DNM3: variants seen among roughly 807,000 people sequenced by gnomAD.
DNM3 encodes dynamin-3.
Under a neutral mutation model 101.6 loss-of-function variants are expected in DNM3, and 47 were observed. The ratio of observed to expected loss-of-function variants is 0.46; its 90% CI spans 0.37 to 0.59. The LOEUF is 0.59. DNM3 is among the 20% of genes least tolerant of loss of function. The pLI is 0.00. For synonymous variants in DNM3, 385 were observed against 387.9 expected, an observed-to-expected ratio of 0.99 and a Z score of 0.09; for missense variants, 849 against 1,085.7, an observed-to-expected ratio of 0.78 and a Z score of 3.06.
At position 172,387,050 on chromosome 1, in the gene DNM3, ACT is replaced by A; in HGVS notation, c.2059-80_2059-79del. On this transcript the variant is annotated intron_variant, in intron 18 of 20. Coordinates refer to ENST00000627582, the MANE Select transcript of DNM3 (RefSeq NM_015569.5). ...GTGGACTTTGGTGGACTTTGTCCAG[ACT>A]CTGACTGCCACAGCCATGTTTCTAC... 3 of 1,195,496 alleles carry A rather than the reference ACT, an allele frequency of 2.5e-6. No homozygotes were observed. In the Admixed American group the frequency reaches 5.5e-5, roughly 22 times the overall value. The allele number at this position is 1,195,496 out of a possible 1,614,324, so 74.1% of individuals were successfully genotyped here. A position where few individuals can be genotyped will look rare whatever the true frequency, so the allele number is the denominator to read the frequency against.
intron 15 of DNM3, among the ~76,000 whole-genome samples, chr1:172,304,532 C>A (rs1036682689): frequency 1.3e-5 from 2 of 152,092 alleles, no homozygotes; most frequent in Non-Finnish European, 2.9e-5. Context: ...ACCAAGAAGA[C>A]CTAATAGACA....
chr1:171,974,688 C>G (rs1384985696), intron 2 of DNM3, among the ~76,000 whole-genome samples: 2 of 152,096 alleles, frequency 1.3e-5, no homozygotes, highest in Admixed American at 6.5e-5. Context: ...TTGTAAGAAT[C>G]CTCTGGGATT....
intron 14 of DNM3, among the ~76,000 whole-genome samples, chr1:172,231,492 GA>G (rs1016934787): frequency 6.6e-6 from 1 of 152,046 alleles, no homozygotes; most frequent in East Asian, 1.9e-4. Flanking sequence ...TAAAGATGGG[GA>G]AAAAACAGAG....
At chr1:172,159,807 T>C (rs946617845) in intron 14 of DNM3, among the ~76,000 whole-genome samples, 2 of 152,092 alleles carry the variant, frequency 1.3e-5, no homozygotes, top group African/African-American at 4.8e-5. Context: ...CACTTAACAA[T>C]GGGAATACAT....
At chr1:172,037,740 A>T (rs1413063567) in intron 6 of DNM3, among the ~76,000 whole-genome samples, 1 of 152,136 alleles carries the variant, frequency 6.6e-6, no homozygotes, top group Non-Finnish European at 1.5e-5. Flanking sequence ...TAGCAGAGAG[A>T]GCTTTCCCTT....
intron 20 of DNM3, among the ~76,000 whole-genome samples, chr1:172,406,450 T>C (rs527517066): frequency 3.9e-4 from 59 of 152,144 alleles, no homozygotes; most frequent in African/African-American, 1.4e-3. Flanking sequence ...CTGGGTACCA[T>C]GGCTCACACC....
At chr1:171,988,821 C>A (rs966173942) in intron 3 of DNM3, 124 bp from the exon 4 acceptor site, 1 of 755,096 alleles carries the variant, frequency 1.3e-6, no homozygotes, top group South Asian at 2.3e-5. Context: ...CTTTATTCTA[C>A]ACACATGGGT....
chr1:172,280,301 T>G (rs2148782290), intron 15 of DNM3, among the ~76,000 whole-genome samples: 1 of 152,314 alleles, frequency 6.6e-6, no homozygotes, highest in East Asian at 1.9e-4. Context: ...CACTTATTAC[T>G]TTTTGATATT....
At position 172,048,686 on chromosome 1, in the gene DNM3, C is replaced by G; in HGVS notation, c.1271C>G (p.Ser424Cys). Residue 424 changes from serine (S) to cysteine (C), a missense_variant, in exon 10 of 21, where the codon TCC (serine) becomes TGC (cysteine). Around this residue, in one of 5 missense-constraint regions of DNM3, gnomAD observed 193 missense variants for 238.4 expected, o/e 0.81. Transcript: ENST00000627582. Reference sequence around the variant, plus strand: ...CAGATTGTAAAGTTGAAAGGGCCTTCCTTGAAGAGTGTGGATCTGGTAATA... The same window carrying G: ...CAGATTGTAAAGTTGAAAGGGCCTTGCTTGAAGAGTGTGGATCTGGTAATA... ...KKQIVKLKGP[S>C]LKSVDLVIQE... 6.2e-7 allele frequency: 1 copy of G among 1,613,582 alleles called. No homozygotes were observed. Among genetic ancestry groups the G allele is most frequent in the Non-Finnish European group, 8.5e-7 (1 of 1,179,664 alleles).
At chr1:172,052,467 T>C (rs1255816271) in intron 10 of DNM3, among the ~76,000 whole-genome samples, 1 of 152,152 alleles carries the variant, frequency 6.6e-6, no homozygotes, top group African/African-American at 2.4e-5. Context: ...TGGTCAGCCT[T>C]CTTGGGAAAA....
intron 2 of DNM3, among the ~76,000 whole-genome samples, chr1:171,935,333 G>C (rs1050045547): frequency 6.6e-6 from 1 of 152,152 alleles, no homozygotes; most frequent in Non-Finnish European, 1.5e-5. Context: ...AGGACATTTA[G>C]TACTTAGTAC....
chr1:172,321,299 T>G (rs572377071), intron 16 of DNM3, among the ~76,000 whole-genome samples: 1 of 152,326 alleles, frequency 6.6e-6, no homozygotes, highest in South Asian at 2.1e-4. Context: ...TTTTCAGCAG[T>G]CTAATAATAC....
intron 15 of DNM3, among the ~76,000 whole-genome samples, chr1:172,302,082 C>A (rs2064483581): frequency 6.6e-6 from 1 of 152,144 alleles, no homozygotes; most frequent in Admixed American, 6.6e-5. Flanking sequence ...TAGGGCATCA[C>A]CTCACCTGGG....
At chr1:172,000,334 C>T (rs933978141) in intron 4 of DNM3, among the ~76,000 whole-genome samples, 1 of 152,054 alleles carries the variant, frequency 6.6e-6, no homozygotes, top group African/African-American at 2.4e-5. Context: ...TCAACCAGGC[C>T]TACTGCTTAG....
intron 7 of DNM3, among the ~76,000 whole-genome samples, chr1:172,039,459 G>GT (rs769961495): frequency 0.023 from 3,254 of 144,330 alleles, 123 homozygotes; most frequent in African/African-American, 0.072. Flanking sequence ...AAAGGAAAGA[G>GT]TTTTTTTTTT....
intron 1 of DNM3, among the ~76,000 whole-genome samples, chr1:171,919,852 G>T (rs1254915159): frequency 6.6e-6 from 1 of 151,898 alleles, no homozygotes; most frequent in Non-Finnish European, 1.5e-5. Flanking sequence ...ACTATGTTTT[G>T]TTCCCATTAG....
At chr1:172,054,922 G>A (rs28378091) in intron 10 of DNM3, among the ~76,000 whole-genome samples, 102 of 152,128 alleles carry the variant, frequency 6.7e-4, no homozygotes, top group African/African-American at 2.3e-3. Context: ...TTGCACTATT[G>A]CACTCCAGCC....
In DNM3 at chr1:172,326,108, C is replaced by G. The variant is rs530646254; in HGVS notation, c.1893+2768C>G. Among the ~76,000 whole-genome samples, 18 of 152,256 alleles carry G rather than the reference C, an allele frequency of 1.2e-4. No homozygotes were observed. The South Asian group carries it at 3.7e-3, about 32-fold the overall frequency. ...AAAACTAACTTCTACAATAGATGTG[C>G]ATTTAGATTCACATTATGAATGCAT... On this transcript the variant is annotated intron_variant, in intron 17 of 20. Transcript: ENST00000627582.
intron 12 of DNM3, among the ~76,000 whole-genome samples, chr1:172,088,683 T>C (rs2053700165): frequency 6.6e-6 from 1 of 152,224 alleles, no homozygotes; most frequent in Non-Finnish European, 1.5e-5. Context: ...TCTTGGAACG[T>C]AGTCATTTGT....
Sources: allele counts gnomAD v4.1 joint callset (sites outside exome capture counted in the v4.1 genomes callset), GRCh38; gene constraint gnomAD v4.1.1; regional missense constraint gnomAD v4.1.1; transcripts MANE v1.5; gene names NCBI Gene and HGNC (gene_info 2026-07-23, HGNC 2026-07-21).